Variants in COL13A1 observed in about 807,000 individuals in gnomAD.
The protein encoded by COL13A1 is collagen type XIII alpha 1 chain, also known as collagen alpha-1(XIII) chain.
A neutral mutation model predicts 130.9 loss-of-function variants in COL13A1; 89 were observed. The ratio of observed to expected loss-of-function variants is 0.68; its 90% CI spans 0.57 to 0.81. COL13A1 has a LOEUF of 0.81. Among genes scored for constraint, COL13A1 ranks in the 30% least tolerant of loss-of-function variants. The probability of loss-of-function intolerance (pLI) is 0.00; values close to 1 mark genes in which losing one functional copy is unlikely to be tolerated. For synonymous variants in COL13A1, 402 were observed against 341.6 expected (o/e 1.18, Z -1.95); for missense variants, 879 against 934.6 (o/e 0.94, Z 0.78).
intron 2 of COL13A1, among the ~76,000 whole-genome samples, chr10:69,832,134 T>C (rs747052663): frequency 6.6e-6 from 1 of 152,140 alleles, no homozygotes; most frequent in Non-Finnish European, 1.5e-5. Context: ...GGAGGTAATG[T>C]GGTATGGCTG....
rs748436812 is a variant in COL13A1 at position 69,947,335 on chromosome 10, G to T, written c.2051G>T (p.Gly684Val). The T allele has an allele frequency of 6.2e-7, 1 of 1,612,826 alleles. No individual in the cohort carries two copies. Among genetic ancestry groups the T allele is most frequent in the East Asian group, 2.2e-5 (1 of 44,802 alleles). The change falls in exon 38 of 41, where the codon GGA becomes GTA. Residue 684 changes from glycine (G) to valine (V), a missense_variant. Physicochemically the swap from Gly to Val is moderately radical, Grantham distance 109. Coordinates refer to ENST00000645393, the MANE Select transcript of COL13A1 (RefSeq NM_001368882.1). The stretch of plus-strand genomic sequence containing the variant: ...TTACATGGACCACCCGGGGACAAGG[G>T]AAACCGGGTGAGTCTGAGCCCCTGC... ...PGLHGPPGDK[G>V]NRGERGKKGS...
chr10:69,875,587 T>C (rs546930465), intron 5 of COL13A1, among the ~76,000 whole-genome samples: 4 of 152,324 alleles, frequency 2.6e-5, no homozygotes, highest in African/African-American at 9.6e-5. Flanking sequence ...AGGGGCCTTC[T>C]CTGTAGACAG....
chr10:69,854,787 A>G (rs1266387819), intron 2 of COL13A1, among the ~76,000 whole-genome samples: 1 of 152,084 alleles, frequency 6.6e-6, no homozygotes, highest in Non-Finnish European at 1.5e-5. Context: ...CATGGGTCCT[A>G]GATAGAGGAA....
chr10:69,871,021 C>T (rs972100844), intron 3 of COL13A1, among the ~76,000 whole-genome samples: 7 of 152,070 alleles, frequency 4.6e-5, no homozygotes, highest in Non-Finnish European at 1.0e-4. Context: ...AAGCAAATTG[C>T]CCCTTCTGTT....
At chr10:69,944,783 T>C (rs1000543134) in intron 36 of COL13A1, among the ~76,000 whole-genome samples, 1 of 152,136 alleles carries the variant, frequency 6.6e-6, no homozygotes, top group African/African-American at 2.4e-5. Context: ...CTTGTGTCCA[T>C]CTCAGGTTCA....
At chr10:69,902,675 C>G in intron 14 of COL13A1, 73 bp from the exon 15 acceptor site, 1 of 1,255,248 alleles carries the variant, frequency 8.0e-7, no homozygotes, top group Non-Finnish European at 1.1e-6. Flanking sequence ...TCACTGGGTG[C>G]ATGGCCTGAG....
chr10:69,908,224 G>A (rs189524255), intron 17 of COL13A1, among the ~76,000 whole-genome samples: 3 of 152,310 alleles, frequency 2.0e-5, no homozygotes, highest in East Asian at 1.9e-4. Context: ...CACATTCCTC[G>A]CACACTGCAG....
At chr10:69,878,177 G>T in intron 6 of COL13A1, 112 bp downstream of exon 6, 1 of 668,966 alleles carries the variant, frequency 1.5e-6, no homozygotes, top group Non-Finnish European at 2.8e-6. Flanking sequence ...GAGGGTGCTG[G>T]CTGGGCCTGC....
chr10:69,952,841 A>T, intron 38 of COL13A1, 41 bp from the exon 39 acceptor site: 3 of 1,347,576 alleles, frequency 2.2e-6, no homozygotes, highest in Non-Finnish European at 3.1e-6. Context: ...ATGATCTTAA[A>T]GTTTTGATGT....
Position 69,898,721 on chromosome 10 carries a change from C to A in COL13A1, c.709C>A (p.Arg237=). Residue 237 remains arginine, a synonymous_variant, in exon 14 of 41, where the codon CGA becomes AGA. Coordinates refer to ENST00000645393, the MANE Select transcript of COL13A1 (RefSeq NM_001368882.1). ...HRLLPLLNSV[R]LAPPPVIKRR... ...GCTGCTGCCTCTCCTCAATTCAGTGCGACTGGCTCCACCCCCGGTCATAAA... is the reference window on the plus strand; with the variant it reads ...GCTGCTGCCTCTCCTCAATTCAGTGAGACTGGCTCCACCCCCGGTCATAAA... 2 of 1,613,386 alleles carry A rather than the reference C, an allele frequency of 1.2e-6. No homozygotes were observed. Among genetic ancestry groups the A allele is most frequent in the Non-Finnish European group, 1.7e-6 (2 of 1,179,602 alleles).
At chr10:69,939,966 C>T (rs879490507) in intron 34 of COL13A1, among the ~76,000 whole-genome samples, 9 of 152,206 alleles carry the variant, frequency 5.9e-5, no homozygotes, top group Non-Finnish European at 1.2e-4. Flanking sequence ...AATTCTGAGG[C>T]TGAGGCTCAG....
chr10:69,940,984 C>T lies in COL13A1; in HGVS notation c.1879-4C>T, dbSNP rs1157807737. On this transcript the variant is annotated splice_region_variant and splice_polypyrimidine_tract_variant and intron_variant, in intron 34 of 40. Coordinates refer to ENST00000645393, the MANE Select transcript of COL13A1 (RefSeq NM_001368882.1). Reference sequence around the variant, plus strand: ...CTTTTGGTCAAACTGTGCCCTTCGTCCAGGGAGCTTCAGGTTTGGACGGCA... The same window carrying T: ...CTTTTGGTCAAACTGTGCCCTTCGTTCAGGGAGCTTCAGGTTTGGACGGCA... 2 of 1,613,956 alleles carry T rather than the reference C, an allele frequency of 1.2e-6. No individual in the cohort carries two copies. The highest frequency in any genetic ancestry group is 1.1e-5 in the South Asian group (1 of 91,076).
intron 1 of COL13A1, among the ~76,000 whole-genome samples, chr10:69,809,181 C>T (rs1290917754): frequency 6.6e-6 from 1 of 152,148 alleles, no homozygotes; most frequent in East Asian, 1.9e-4. Flanking sequence ...GCCTCAGTAC[C>T]CTAATCTGAA....
At chr10:69,925,170 C>T (rs2065187696) in intron 25 of COL13A1, among the ~76,000 whole-genome samples, 163 bp downstream of exon 25, 1 of 152,118 alleles carries the variant, frequency 6.6e-6, no homozygotes, top group Non-Finnish European at 1.5e-5. Flanking sequence ...ATTTTGAGGG[C>T]TTCAATATTT....
In COL13A1 at chr10:69,928,914, T is replaced by C. The variant is rs755304465; in HGVS notation, c.1423-23T>C. On this transcript the variant is annotated intron_variant, in intron 27 of 40. Coordinates refer to ENST00000645393, the MANE Select transcript of COL13A1 (RefSeq NM_001368882.1). ...CCTCCTCCATGGGACAGTTCTTCCA[T>C]GTGTCTTTCCTTTCTCTCCTAGGGG... is the stretch of plus-strand genomic sequence containing the variant. 1.1e-5 allele frequency: 18 copies of C among 1,597,404 alleles called. No individual in the cohort carries two copies. The East Asian group carries it at 3.3e-4, about 30-fold the overall frequency.
chr10:69,910,654 C>A (rs2135367992), intron 17 of COL13A1, among the ~76,000 whole-genome samples: 1 of 152,350 alleles, frequency 6.6e-6, no homozygotes, highest in Middle Eastern at 3.4e-3. Context: ...TGCCTAGACA[C>A]TGCGAGTATT....
Position 69,822,316 on chromosome 10 carries a change from G to A in COL13A1, c.295-53G>A, listed in dbSNP as rs1462712399. On this transcript the variant is annotated intron_variant, in intron 1 of 40. Transcript: ENST00000645393. ...TCGTCAGCCCACAGCTGCTTTCCAG[G>A]GCTTGGTGTCTACGAGCTCCTGGTG... is the stretch of plus-strand genomic sequence containing the variant. 4 of 1,431,398 alleles carry A rather than the reference G, an allele frequency of 2.8e-6. No homozygotes were observed. The Admixed American group carries it at 7.0e-5, about 25-fold the overall frequency. The allele number at this position is 1,431,398 out of a possible 1,614,324, so 88.7% of individuals were successfully genotyped here. A position where few individuals can be genotyped will look rare whatever the true frequency, so the allele number is the denominator to read the frequency against.
chr10:69,922,510 T>C (rs1298206122), intron 22 of COL13A1, among the ~76,000 whole-genome samples, 198 bp from the exon 23 acceptor site: 1 of 152,240 alleles, frequency 6.6e-6, no homozygotes, highest in Non-Finnish European at 1.5e-5. Context: ...GGATCCCTTG[T>C]GTCAGCTCTA....
At chr10:69,940,713 G>A (rs2067500814) in intron 34 of COL13A1, among the ~76,000 whole-genome samples, 2 of 152,174 alleles carry the variant, frequency 1.3e-5, no homozygotes, top group Admixed American at 6.5e-5. Context: ...AGAGGAGAAG[G>A]GGGGCGGGAG....
Sources: gnomAD v4.1 joint callset for allele counts (sites outside exome capture counted in the v4.1 genomes callset) on GRCh38, gnomAD v4.1.1 for gene constraint, MANE v1.5 for transcripts, NCBI Gene and HGNC (gene_info 2026-07-23, HGNC 2026-07-21) for gene names.